DEPTOR: variants seen among roughly 807,000 people sequenced by gnomAD.
DEPTOR encodes the protein DEP domain-containing mTOR-interacting protein.
In DEPTOR, 41 loss-of-function variants were observed where a neutral mutation model predicts 41.6. The observed-to-expected ratio is 0.98, with a 90% CI of 0.77 to 1.28. The LOEUF is 1.28. DEPTOR is among the 50% of genes most tolerant of loss of function. DEPTOR has a pLI of 0.00. For missense variants in DEPTOR, 514 were observed against 527.9 expected, an observed-to-expected ratio of 0.97 and a Z score of 0.26; for synonymous variants, 195 against 192.3, an observed-to-expected ratio of 1.01 and a Z score of -0.12.
At position 120,050,831 on chromosome 8, in the gene DEPTOR, A is replaced by G. The variant is rs1563603913; in HGVS notation, c.*1127A>G. On this transcript the variant is annotated 3_prime_UTR_variant, in exon 9 of 9. Transcript: ENST00000286234. ...CCAAATTAGGCAGTCAGGAAATACT[A>G]AATTCTTCATTCCAAATAATGGATC... 6.6e-6 allele frequency: 1 copy of G among 152,138 alleles called. No homozygotes were observed. Among genetic ancestry groups the G allele is most frequent in the East Asian group, 1.9e-4 (1 of 5,186 alleles). The allele number at this position is 152,138 out of a possible 1,614,324, so 9.4% of individuals were successfully genotyped here. A position where few individuals can be genotyped will look rare whatever the true frequency, so the allele number is the denominator to read the frequency against.
At chr8:120,010,419 A>G (rs1043158843) in intron 8 of DEPTOR, among the ~76,000 whole-genome samples, 2 of 152,102 alleles carry the variant, frequency 1.3e-5, no homozygotes, top group Non-Finnish European at 2.9e-5. Flanking sequence ...GTTCAAGACC[A>G]GCCTGACCAA....
chr8:119,962,412 G>A (rs572757675), intron 3 of DEPTOR, among the ~76,000 whole-genome samples: 1 of 152,056 alleles, frequency 6.6e-6, no homozygotes, highest in Non-Finnish European at 1.5e-5. Flanking sequence ...GACCATAACC[G>A]AGATGCAAAA....
chr8:119,969,498 G>A (rs1196846747), intron 4 of DEPTOR, among the ~76,000 whole-genome samples: 1 of 151,890 alleles, frequency 6.6e-6, no homozygotes, highest in African/African-American at 2.4e-5. Flanking sequence ...GGGATTACAG[G>A]CATGTGCCAC....
chr8:119,926,568 G>C (rs368602284), intron 1 of DEPTOR, among the ~76,000 whole-genome samples: 3 of 152,148 alleles, frequency 2.0e-5, no homozygotes, highest in East Asian at 1.9e-4. Context: ...ACTACACAAT[G>C]GTTTGCTGTT....
intron 8 of DEPTOR, among the ~76,000 whole-genome samples, chr8:120,031,678 A>G (rs1812895238): frequency 6.6e-6 from 1 of 151,680 alleles, no homozygotes; most frequent in Non-Finnish European, 1.5e-5. Context: ...CTAAGTCTCT[A>G]CTCATCTTTG....
intron 5 of DEPTOR, 149 bp downstream of exon 5, chr8:120,001,859 C>T: frequency 3.0e-6 from 3 of 1,001,620 alleles, no homozygotes; most frequent in Non-Finnish European, 4.1e-6. Flanking sequence ...AATTCTGAAA[C>T]CCTAAGTTTT....
chr8:119,982,823 C>T (rs1453738404), intron 4 of DEPTOR, among the ~76,000 whole-genome samples: 2 of 152,172 alleles, frequency 1.3e-5, no homozygotes, highest in Non-Finnish European at 2.9e-5. Context: ...CAGTCTGTCC[C>T]AGGGATTTCA....
At chr8:120,022,467 CT>C (rs1292312560) in intron 8 of DEPTOR, among the ~76,000 whole-genome samples, 1 of 152,050 alleles carries the variant, frequency 6.6e-6, no homozygotes, top group Non-Finnish European at 1.5e-5. Context: ...GGTTTTTACT[CT>C]GCCTTTTAAC....
At chr8:119,956,177 T>A (rs1260318401) in intron 3 of DEPTOR, among the ~76,000 whole-genome samples, 2 of 152,256 alleles carry the variant, frequency 1.3e-5, no homozygotes, top group African/African-American at 4.8e-5. Context: ...GCTTGTCATA[T>A]GGCAAAAATA....
chr8:119,996,982 C>G (rs1003929690), intron 4 of DEPTOR, among the ~76,000 whole-genome samples: 3 of 152,148 alleles, frequency 2.0e-5, no homozygotes, highest in Admixed American at 6.6e-5. Context: ...AAAAATTTGA[C>G]TATCCACAAG....
chr8:119,940,173 C>T (rs952178621), intron 3 of DEPTOR, among the ~76,000 whole-genome samples: 4 of 151,818 alleles, frequency 2.6e-5, no homozygotes, highest in African/African-American at 9.7e-5. Context: ...GCCAAGATGG[C>T]ACCATTACAC....
intron 8 of DEPTOR, among the ~76,000 whole-genome samples, chr8:120,012,017 A>T (rs1012920131): frequency 2.6e-5 from 4 of 152,212 alleles, no homozygotes; most frequent in African/African-American, 7.2e-5. Context: ...TCCCCCTCTT[A>T]GAAATTTACA....
rs754216516 is a variant in DEPTOR at position 119,873,857 on chromosome 8, G to A, written c.11G>A (p.Gly4Asp). 6.2e-7 allele frequency: 1 copy of A among 1,613,282 alleles called. No individual in the cohort carries two copies. The highest frequency in any genetic ancestry group is 8.5e-7 in the Non-Finnish European group (1 of 1,179,684). Residue 4 changes from glycine to aspartate, a missense_variant, in exon 1 of 9, where the codon GGC (glycine) becomes GAC (aspartate). By Grantham distance (94) the Gly-to-Asp change is moderately conservative. Transcript: ENST00000286234. MEEGGSTGSAGSDS... is the reference protein window; with the variant it reads MEEDGSTGSAGSDS... ...CACGGCCCTAAAACCATGGAGGAGGGCGGCAGCACTGGCAGTGCTGGCAGT... is the reference window on the plus strand; with the variant it reads ...CACGGCCCTAAAACCATGGAGGAGGACGGCAGCACTGGCAGTGCTGGCAGT...
Position 119,981,992 on chromosome 8 carries a change from C to T in DEPTOR, c.604+16582C>T, listed in dbSNP as rs190949651. On this transcript the variant is annotated intron_variant, in intron 4 of 8. Coordinates refer to ENST00000286234, the MANE Select transcript of DEPTOR (RefSeq NM_022783.4). ...TCATGCCACTGCACTCTAGCCCAGT[C>T]GACAGTGTGAGATTCCATCTCTAAA... 6.2e-3 allele frequency among the ~76,000 whole-genome samples: 735 copies of T among 119,334 alleles called. 12 individuals carry two copies. The highest frequency in any genetic ancestry group is 0.045 in the Admixed American group (402 of 8,888). The allele number at this position is 119,334 out of a possible 152,430, so 78.3% of individuals were successfully genotyped here.
At chr8:119,970,051 C>T (rs1828613179) in intron 4 of DEPTOR, among the ~76,000 whole-genome samples, 1 of 152,110 alleles carries the variant, frequency 6.6e-6, no homozygotes, top group African/African-American at 2.4e-5. Flanking sequence ...GACTGGTGCG[C>T]TTTACTCAAG....
At position 119,900,047 on chromosome 8, in the gene DEPTOR, G is replaced by A. The variant is rs1004874556; in HGVS notation, c.122+26079G>A. 1.1e-4 allele frequency among the ~76,000 whole-genome samples: 16 copies of A among 152,142 alleles called. No homozygotes were observed. The East Asian group carries it at 1.7e-3, about 17-fold the overall frequency. On this transcript the variant is annotated intron_variant, in intron 1 of 8. Transcript: ENST00000286234. The stretch of plus-strand genomic sequence containing the variant: ...CAAAAATTATAGATGTCGGCTGGGC[G>A]CAGTGGCTCACGCTTGTAATCCCAG...
chr8:119,980,501 T>C (rs1389255809), intron 4 of DEPTOR, among the ~76,000 whole-genome samples: 2 of 140,200 alleles, frequency 1.4e-5, no homozygotes, highest in Non-Finnish European at 1.5e-5. Context: ...TTCTTTTCTT[T>C]TCTTTTCTTT....
intron 8 of DEPTOR, among the ~76,000 whole-genome samples, chr8:120,019,219 C>T (rs1812658712): frequency 6.6e-6 from 1 of 152,118 alleles, no homozygotes. Context: ...GCAAGAGAAT[C>T]ACTTGAACCC....
At chr8:119,909,512 G>C (rs1022344274) in intron 1 of DEPTOR, among the ~76,000 whole-genome samples, 5 of 152,206 alleles carry the variant, frequency 3.3e-5, no homozygotes, top group African/African-American at 4.8e-5. Context: ...TAGCAAAGTA[G>C]AAAGTTACAG....
Sources: gnomAD v4.1 joint callset for allele counts (sites outside exome capture counted in the v4.1 genomes callset) on GRCh38, gnomAD v4.1.1 for gene constraint, MANE v1.5 for transcripts, NCBI Gene and HGNC (gene_info 2026-07-23, HGNC 2026-07-21) for gene names.